MGMT: variants seen among roughly 807,000 people sequenced by gnomAD.
MGMT encodes the protein methylated-DNA--protein-cysteine methyltransferase.
MGMT carries 14 observed loss-of-function variants against 15.9 expected under a neutral mutation model. The ratio of observed to expected loss-of-function variants is 0.88; its 90% CI spans 0.58 to 1.37. MGMT has a LOEUF of 1.37. MGMT is among the 40% of genes most tolerant of loss of function. The pLI, the probability that MGMT is intolerant of heterozygous loss-of-function variation, is 0.00. For synonymous variants in MGMT, 130 were observed against 118.2 expected (o/e 1.10, Z -0.65); for missense variants, 282 against 268.1 (o/e 1.05, Z -0.36).
At chr10:129,705,767 A>G (rs931935222) in intron 2 of MGMT, among the ~76,000 whole-genome samples, 9 of 152,188 alleles carry the variant, frequency 5.9e-5, no homozygotes, top group Admixed American at 2.6e-4. Context: ...CCTCCTGGAC[A>G]CCAGCGGTAG....
intron 1 of MGMT, among the ~76,000 whole-genome samples, chr10:129,522,533 C>G (rs1244002152): frequency 6.6e-6 from 1 of 152,192 alleles, no homozygotes; most frequent in Non-Finnish European, 1.5e-5. Context: ...CCTGGAGACA[C>G]ACATTATGGT....
chr10:129,531,416 C>T (rs571788549), intron 1 of MGMT, among the ~76,000 whole-genome samples: 1 of 152,252 alleles, frequency 6.6e-6, no homozygotes, highest in African/African-American at 2.4e-5. Flanking sequence ...TTGAAACTCA[C>T]TTTTCTCACT....
chr10:129,547,113 G>T lies in MGMT; in HGVS notation c.125+10736G>T, dbSNP rs545586521. Among the ~76,000 whole-genome samples, 16 of 152,340 alleles carry T rather than the reference G, an allele frequency of 1.1e-4. No individual in the cohort carries two copies. The East Asian group carries it at 2.9e-3, about 28-fold the overall frequency. ...TTCTTCTGACAAGGACGTTTGTTCA[G>T]TTTCCCTCTAGACTGGGCCATGCTC... On this transcript the variant is annotated intron_variant, in intron 2 of 4. Coordinates refer to ENST00000651593, the MANE Select transcript of MGMT (RefSeq NM_002412.5).
Position 129,769,730 on chromosome 10 carries a change from GTGTCCAGTAAACCCACCTGCATTC to G in MGMT, c.*2734_*2757del, listed in dbSNP as rs1848980370. 6.6e-6 allele frequency among the ~76,000 whole-genome samples: 1 copy of G among 152,262 alleles called. No individual in the cohort carries two copies. Reference sequence around the variant, plus strand: ...GTCTCTCTTCCCGCTGGGAACAGAAGTGTCCAGTAAACCCACCTGCATTCCACGTGTCCTGTGGCCGCCTCCAGT... The same window carrying G: ...GTCTCTCTTCCCGCTGGGAACAGAAGCACGTGTCCTGTGGCCGCCTCCAGT... On this transcript the variant is annotated 3_prime_UTR_variant, in exon 5 of 5. Coordinates refer to ENST00000651593, the MANE Select transcript of MGMT (RefSeq NM_002412.5).
At chr10:129,604,006 G>A (rs1326166665) in intron 2 of MGMT, among the ~76,000 whole-genome samples, 2 of 152,158 alleles carry the variant, frequency 1.3e-5, no homozygotes, top group East Asian at 3.9e-4. Context: ...TTTGATGTGT[G>A]CGTGTGTCTG....
chr10:129,484,766 ATTGT>A (rs906850197), intron 1 of MGMT, among the ~76,000 whole-genome samples: 2 of 152,094 alleles, frequency 1.3e-5, no homozygotes, highest in African/African-American at 4.8e-5. Flanking sequence ...GTTTCTTGAA[ATTGT>A]TTGTATCCTT....
intron 2 of MGMT, among the ~76,000 whole-genome samples, chr10:129,660,152 C>T (rs536091811): frequency 2.0e-5 from 3 of 152,320 alleles, no homozygotes; most frequent in Non-Finnish European, 4.4e-5. Flanking sequence ...GATTTTTCAT[C>T]TCCCTGCCAA....
intron 2 of MGMT, among the ~76,000 whole-genome samples, chr10:129,694,840 C>T (rs1848012064): frequency 6.6e-6 from 1 of 152,192 alleles, no homozygotes; most frequent in Non-Finnish European, 1.5e-5. Context: ...AGCATGATTT[C>T]ATCCTTTAAA....
chr10:129,692,750 G>T (rs1262965793), intron 2 of MGMT, among the ~76,000 whole-genome samples: 3 of 152,210 alleles, frequency 2.0e-5, no homozygotes, highest in Non-Finnish European at 2.9e-5. Flanking sequence ...AGTGCATTCT[G>T]AGGGTCAAAC....
In MGMT at chr10:129,520,340, C is replaced by T. The variant is rs144639344; in HGVS notation, c.-12-15901C>T. Among the ~76,000 whole-genome samples, 698 of 152,230 alleles carry T rather than the reference C, an allele frequency of 4.6e-3. 6 individuals are homozygous for T. The highest frequency in any genetic ancestry group is 0.016 in the African/African-American group (656 of 41,526). On this transcript the variant is annotated intron_variant, in intron 1 of 4. Coordinates refer to ENST00000651593, the MANE Select transcript of MGMT (RefSeq NM_002412.5). ...GGGGCTGCTACCCATGATGCTAGAC[C>T]GAGGTTGCCGAAACTGGAGTGTCCC...
chr10:129,582,011 C>T (rs1846561988), intron 2 of MGMT, among the ~76,000 whole-genome samples: 2 of 152,190 alleles, frequency 1.3e-5, no homozygotes, highest in African/African-American at 4.8e-5. Context: ...GTGTGCGAGC[C>T]ACGTGGGCCA....
intron 1 of MGMT, among the ~76,000 whole-genome samples, chr10:129,508,251 C>T (rs539537244): frequency 8.0e-4 from 121 of 152,196 alleles, no homozygotes; most frequent in Non-Finnish European, 1.2e-3. Context: ...GCCTGGAAGC[C>T]GCCATAGAGA....
At chr10:129,503,827 G>A (rs1845598951) in intron 1 of MGMT, among the ~76,000 whole-genome samples, 1 of 152,176 alleles carries the variant, frequency 6.6e-6, no homozygotes, top group Non-Finnish European at 1.5e-5. Context: ...TGGTCTTAAT[G>A]TTACAGACTT....
chr10:129,573,610 G>A (rs1185852173), intron 2 of MGMT, among the ~76,000 whole-genome samples: 2 of 151,762 alleles, frequency 1.3e-5, no homozygotes, highest in East Asian at 3.9e-4. Context: ...TATTTGAAAT[G>A]TGTTTTAATT....
chr10:129,548,674 C>T (rs907664982), intron 2 of MGMT, among the ~76,000 whole-genome samples: 2 of 152,218 alleles, frequency 1.3e-5, no homozygotes, highest in Admixed American at 6.5e-5. Flanking sequence ...CTGGCGTCTG[C>T]TTTGCCTGTG....
chr10:129,724,182 C>T (rs1221034261), intron 3 of MGMT, among the ~76,000 whole-genome samples: 2 of 152,148 alleles, frequency 1.3e-5, no homozygotes, highest in Non-Finnish European at 2.9e-5. Context: ...CATGTAGAGC[C>T]TGTTCCTATC....
chr10:129,682,458 A>C (rs893912133), intron 2 of MGMT, among the ~76,000 whole-genome samples: 2 of 151,826 alleles, frequency 1.3e-5, no homozygotes, highest in African/African-American at 4.8e-5. Flanking sequence ...TGGGGAAGAG[A>C]TAAGGGTTAA....
At position 129,747,680 on chromosome 10, in the gene MGMT, T is replaced by A. The variant is rs890015701; in HGVS notation, c.275-11522T>A. Among the ~76,000 whole-genome samples, 8 of 152,320 alleles carry A rather than the reference T, an allele frequency of 5.3e-5. No individual in the cohort carries two copies. The East Asian group carries it at 1.5e-3, about 29-fold the overall frequency. ...ATGAACCATTGTTGGTACCTTAATA[T>A]TAACTAAAGTCCTATGATCTTGAAG... On this transcript the variant is annotated intron_variant, in intron 3 of 4. Transcript: ENST00000651593.
intron 2 of MGMT, among the ~76,000 whole-genome samples, chr10:129,588,686 G>C (rs1360240866): frequency 1.3e-5 from 2 of 152,178 alleles, no homozygotes; most frequent in African/African-American, 4.8e-5. Context: ...TGTCATCATG[G>C]ATAGTGCCCT....
Sources: gnomAD v4.1 joint callset for allele counts (sites outside exome capture counted in the v4.1 genomes callset) on GRCh38, gnomAD v4.1.1 for gene constraint, MANE v1.5 for transcripts, NCBI Gene and HGNC (gene_info 2026-07-23, HGNC 2026-07-21) for gene names.